The following KCNN4 variants were observed in gnomAD, a reference collection of about 807,000 sequenced individuals.
The protein encoded by KCNN4 is potassium calcium-activated channel subfamily N member 4, also known as intermediate conductance calcium-activated potassium channel protein 4.
A neutral mutation model predicts 45.2 loss-of-function variants in KCNN4; 31 were observed. The observed-to-expected ratio is 0.69, with a 90% CI of 0.52 to 0.92. The LOEUF (loss-of-function observed/expected upper bound fraction) is 0.92, where lower values mean the gene tolerates loss of function less well. KCNN4 is among the 40% of genes least tolerant of loss of function. The pLI, the probability that KCNN4 is intolerant of heterozygous loss-of-function variation, is 0.00. For missense variants in KCNN4, 463 were observed against 574.0 expected (o/e 0.81, Z 1.98); for synonymous variants, 231 against 254.6 (o/e 0.91, Z 0.88).
intron 8 of KCNN4, 104 bp downstream of exon 8, chr19:43,767,436 G>A (rs937341801): frequency 3.8e-5 from 53 of 1,382,246 alleles, no homozygotes; most frequent in Admixed American, 1.6e-4. Context: ...GAGAAAAGGC[G>A]GCCTTGTCTC....
Position 43,774,583 on chromosome 19 carries a change from C to G in KCNN4, c.292G>C (p.Val98Leu). The stretch of plus-strand genomic sequence containing the variant: ...GCCGCCTGCCGCCCGGTCAGCGCCA[C>G]GCGCCAGTCCCGCAGCCCGTTGTCG... The part of the protein sequence containing the change: ...MTDNGLRDWR[V>L]ALTGRQAAQI... The change falls in exon 3 of 9, where the codon GTG becomes CTG. Residue 98 changes from valine to leucine, a missense_variant. Around this residue, in one of 3 missense-constraint regions of KCNN4, gnomAD observed 225 missense variants for 240.9 expected, o/e 0.93. Coordinates refer to ENST00000648319, the MANE Select transcript of KCNN4 (RefSeq NM_002250.3). The surrounding 1 kb of genome is among the most constrained non-coding windows in gnomAD (Gnocchi z 5.6). 6.6e-7 allele frequency: 1 copy of G among 1,524,566 alleles called. No homozygotes were observed. The highest frequency in any genetic ancestry group is 8.7e-7 in the Non-Finnish European group (1 of 1,146,498). The allele number at this position is 1,524,566 out of a possible 1,614,324, so 94.4% of individuals were successfully genotyped here. A position where few individuals can be genotyped will look rare whatever the true frequency, so the allele number is the denominator to read the frequency against.
intron 7 of KCNN4, among the ~76,000 whole-genome samples, chr19:43,768,449 G>A (rs921062877): frequency 4.6e-5 from 7 of 152,244 alleles, no homozygotes; most frequent in Admixed American, 2.0e-4. Context: ...AGAAGGGGGC[G>A]GGTAGCTGAG....
rs1431785005 is a variant in KCNN4 at position 43,769,234 on chromosome 19, C to T, written c.1050-202G>A. On this transcript the variant is annotated intron_variant, in intron 6 of 8. Coordinates refer to ENST00000648319, the MANE Select transcript of KCNN4 (RefSeq NM_002250.3). The surrounding 1 kb of genome is among the most constrained non-coding windows in gnomAD (Gnocchi z 4.4). ...CAGTAGAAACCCAGGTACCCAGGTC[C>T]GCAGACACACCGAGATATGCGGAGA... The T allele has an allele frequency of 1.8e-5, 12 of 673,144 alleles. No individual in the cohort carries two copies. The highest frequency in any genetic ancestry group is 5.2e-5 in the South Asian group (3 of 57,242). 41.7% of individuals were successfully genotyped at this position (673,144 alleles called of 1,614,324 possible). A position where few individuals can be genotyped will look rare whatever the true frequency, so the allele number is the denominator to read the frequency against.
At chr19:43,771,242 T>C (rs1969635004) in intron 4 of KCNN4, among the ~76,000 whole-genome samples, 1 of 152,098 alleles carries the variant, frequency 6.6e-6, no homozygotes, top group African/African-American at 2.4e-5. Context: ...GCCTCATCCT[T>C]GAGGGCAACA....
Position 43,769,099 on chromosome 19 carries a change from G to C in KCNN4, c.1050-67C>G. On this transcript the variant is annotated intron_variant, in intron 6 of 8. Transcript: ENST00000648319. This position sits in a 1 kb window ranked among gnomAD's most constrained non-coding sequence, Gnocchi z 4.4. ...CTGAATGTAGCTGTAGCTCAGGGGA[G>C]GAATGAAGGGAGGAGAGGCACATGA... The C allele has an allele frequency of 6.7e-7, 1 of 1,490,768 alleles. No individual in the cohort carries two copies. Among genetic ancestry groups the C allele is most frequent in the Non-Finnish European group, 9.4e-7 (1 of 1,067,872 alleles). The allele number at this position is 1,490,768 out of a possible 1,614,324, so 92.3% of individuals were successfully genotyped here.
Position 43,774,085 on chromosome 19 carries a change from T to C in KCNN4, c.683+107A>G. The C allele has an allele frequency of 8.4e-7, 1 of 1,190,910 alleles. No homozygotes were observed. The highest frequency in any genetic ancestry group is 2.6e-5 in the East Asian group (1 of 38,738). 73.8% of individuals were successfully genotyped at this position (1,190,910 alleles called of 1,614,324 possible). A position where few individuals can be genotyped will look rare whatever the true frequency, so the allele number is the denominator to read the frequency against. On this transcript the variant is annotated intron_variant, in intron 3 of 8. Transcript: ENST00000648319. This position sits in a 1 kb window ranked among gnomAD's most constrained non-coding sequence, Gnocchi z 5.6. ...GGAGAAGGGGTCAAAGTGTGAACTT[T>C]CTCCACTGCTTGGTCCTAGGGGGCC... is the stretch of plus-strand genomic sequence containing the variant.
Position 43,767,698 on chromosome 19 carries a change from T to A in KCNN4, c.1129A>T (p.Ile377Phe). 1.2e-6 allele frequency: 2 copies of A among 1,614,106 alleles called. No homozygotes were observed. The highest frequency in any genetic ancestry group is 1.7e-6 in the Non-Finnish European group (2 of 1,180,018). ...SMVDISKMHM[I>F]LYDLQQNLSS... ...AGATTCTGCTGCAGGTCATACAGGA[T>A]CATGTGCATCTGGGTGGGAGGAGAG... Residue 377 changes from isoleucine (I) to phenylalanine (F), a missense_variant, in exon 8 of 9, where the codon ATC becomes TTC. Physicochemically the swap from Ile to Phe is conservative, Grantham distance 21 (BLOSUM62 0). Around this residue, in one of 3 missense-constraint regions of KCNN4, gnomAD observed 129 missense variants for 149.4 expected, o/e 0.86. Coordinates refer to ENST00000648319, the MANE Select transcript of KCNN4 (RefSeq NM_002250.3).
In KCNN4 at chr19:43,775,853, G is replaced by A. The variant is rs182261071; in HGVS notation, c.255+688C>T. The stretch of plus-strand genomic sequence containing the variant: ...GGGCACCCCTGGGACCGGACCAGGT[G>A]CAGTGGCTCAAGCCCGTAATCCTAG... On this transcript the variant is annotated intron_variant, in intron 2 of 8. Transcript: ENST00000648319. 1.3e-3 allele frequency among the ~76,000 whole-genome samples: 205 copies of A among 152,040 alleles called. 1 individual carries two copies. The highest frequency in any genetic ancestry group is 2.0e-3 in the Non-Finnish European group (137 of 67,978).
chr19:43,774,750 G>A lies in KCNN4; in HGVS notation c.256-131C>T, dbSNP rs1969751099. On this transcript the variant is annotated intron_variant, in intron 2 of 8. Transcript: ENST00000648319. This position sits in a 1 kb window ranked among gnomAD's most constrained non-coding sequence, Gnocchi z 5.6. ...GGCCAGGAGGGAGGGAGTGCAGGGC[G>A]GGAGAGGGATAGGGAGGGAGCGGGA... 8 of 698,978 alleles carry A rather than the reference G, an allele frequency of 1.1e-5. No homozygotes were observed. The highest frequency in any genetic ancestry group is 1.8e-5 in the Non-Finnish European group (8 of 452,532). 43.3% of individuals were successfully genotyped at this position (698,978 alleles called of 1,614,324 possible). A position where few individuals can be genotyped will look rare whatever the true frequency, so the allele number is the denominator to read the frequency against.
intron 7 of KCNN4, among the ~76,000 whole-genome samples, chr19:43,768,683 T>C (rs1969549625): frequency 6.6e-6 from 1 of 152,360 alleles, no homozygotes; most frequent in African/African-American, 2.4e-5. Flanking sequence ...TCCGTCCACA[T>C]GTAAGTAACT....
chr19:43,769,660 G>T lies in KCNN4; in HGVS notation c.930+59C>A. 4.5e-6 allele frequency: 7 copies of T among 1,540,320 alleles called. No individual in the cohort carries two copies. Among genetic ancestry groups the T allele is most frequent in the Non-Finnish European group, 6.3e-6 (7 of 1,114,202 alleles). ...CTTGGGTCCTAGGGGAAGCAGGGGC[G>T]CCTGGACTCCTGCTTCTTGGAAGAG... On this transcript the variant is annotated intron_variant, in intron 5 of 8. Transcript: ENST00000648319. The surrounding 1 kb of genome is among the most constrained non-coding windows in gnomAD (Gnocchi z 4.4).
At position 43,771,884 on chromosome 19, in the gene KCNN4, G is replaced by C. The variant is rs1046049949; in HGVS notation, c.819+116C>G. On this transcript the variant is annotated intron_variant, in intron 4 of 8. Coordinates refer to ENST00000648319, the MANE Select transcript of KCNN4 (RefSeq NM_002250.3). ...GGCTCTGGGGGCCCCAGACACTCAAGTTTCTCAGGAGCTGTCCCTGAGAGC... is the reference window on the plus strand; with the variant it reads ...GGCTCTGGGGGCCCCAGACACTCAACTTTCTCAGGAGCTGTCCCTGAGAGC... 3.0e-6 allele frequency: 4 copies of C among 1,319,752 alleles called. No individual in the cohort carries two copies. The African/African-American group carries it at 6.0e-5, about 20-fold the overall frequency. 81.8% of individuals were successfully genotyped at this position (1,319,752 alleles called of 1,614,324 possible). A position where few individuals can be genotyped will look rare whatever the true frequency, so the allele number is the denominator to read the frequency against.
chr19:43,776,556 A>G lies in KCNN4; in HGVS notation c.240T>C (p.His80=), dbSNP rs1382327299. ...CCTGCCCTACCTGGACCTCTTTGGC[A>G]TGAAAGGCCACGATGAGGCAGAGGA... ...FLLLCLIVAF[H]AKEVQLFMTD... The change falls in exon 2 of 9, where the codon CAT becomes CAC. Residue 80 remains histidine, a synonymous_variant. Coordinates refer to ENST00000648319, the MANE Select transcript of KCNN4 (RefSeq NM_002250.3). The G allele has an allele frequency of 1.2e-6, 2 of 1,613,004 alleles. No homozygotes were observed. The highest frequency in any genetic ancestry group is 2.2e-5 in the East Asian group (1 of 44,888).
At position 43,774,212 on chromosome 19, in the gene KCNN4, C is replaced by G. The variant is rs200402220; in HGVS notation, c.663G>C (p.Trp221Cys). The change falls in exon 3 of 9, where the codon TGG becomes TGC. Residue 221 changes from tryptophan to cysteine, a missense_variant. Trp to Cys is a radical substitution (Grantham distance 215). Around this residue, in one of 3 missense-constraint regions of KCNN4, gnomAD observed 109 missense variants for 183.7 expected, o/e 0.59. Coordinates refer to ENST00000648319, the MANE Select transcript of KCNN4 (RefSeq NM_002250.3). This position sits in a 1 kb window ranked among gnomAD's most constrained non-coding sequence, Gnocchi z 5.6. ...CTCACCTCTCGGCCACGGACAGCAC[C>G]CAGGCGGTGGTCAGCCAGAGGCCAA... ...LTLGLWLTTA[W>C]VLSVAERQAV... The G allele has an allele frequency of 6.2e-6, 10 of 1,612,344 alleles. No individual in the cohort carries two copies. The highest frequency in any genetic ancestry group is 7.6e-6 in the Non-Finnish European group (9 of 1,178,926).
rs117723271 is a variant in KCNN4, at chr19:43,776,005, G to A, written c.255+536C>T. Among the ~76,000 whole-genome samples the A allele has an allele frequency of 3.8e-3, 579 of 151,966 alleles. 3 individuals carry two copies. Among genetic ancestry groups the A allele is most frequent in the Admixed American group, 0.01 (158 of 15,242 alleles). On this transcript the variant is annotated intron_variant, in intron 2 of 8. Coordinates refer to ENST00000648319, the MANE Select transcript of KCNN4 (RefSeq NM_002250.3). ...TAGCTGGGCGTGGTGGCATCTGCCTGTAGTCACAGCTACTTGGGAGGCTGA... is the reference window on the plus strand; with the variant it reads ...TAGCTGGGCGTGGTGGCATCTGCCTATAGTCACAGCTACTTGGGAGGCTGA...
At position 43,772,970 on chromosome 19, in the gene KCNN4, A is replaced by C. The variant is rs527745432; in HGVS notation, c.684-835T>G. On this transcript the variant is annotated intron_variant, in intron 3 of 8. Transcript: ENST00000648319. This position sits in a 1 kb window ranked among gnomAD's most constrained non-coding sequence, Gnocchi z 4.4. ...TCATTCATTAATCCTGATTCTGACC[A>C]ATTTCCCAATTGTGAAAACTAAGAT... 1.3e-5 allele frequency among the ~76,000 whole-genome samples: 2 copies of C among 152,322 alleles called. No homozygotes were observed. The highest frequency in any genetic ancestry group is 3.9e-4 in the East Asian group (2 of 5,190).
Position 43,769,795 on chromosome 19 carries a change from A to C in KCNN4, c.854T>G (p.Val285Gly), listed in dbSNP as rs758081705. 2.9e-5 allele frequency: 46 copies of C among 1,613,582 alleles called. No individual in the cohort carries two copies. Among genetic ancestry groups the C allele is most frequent in the Non-Finnish European group, 3.9e-5 (46 of 1,179,916 alleles). Residue 285 changes from valine to glycine, a missense_variant, in exon 5 of 9, where the codon GTG becomes GGG. By Grantham distance (109) the Val-to-Gly change is moderately radical (BLOSUM62 -3). Transcript: ENST00000648319. This position sits in a 1 kb window ranked among gnomAD's most constrained non-coding sequence, Gnocchi z 4.4. ...CTTGTTAAACTCCAGCTTCCGGGCC[A>C]CCACGGCCACCAGCAGGGCTGTGCA... ...VCCTALLVAVVARKLEFNKAE... is the reference protein window; with the variant it reads ...VCCTALLVAVGARKLEFNKAE...
intron 2 of KCNN4, among the ~76,000 whole-genome samples, chr19:43,775,115 C>A (rs1452355807): frequency 6.6e-6 from 1 of 152,180 alleles, no homozygotes; most frequent in African/African-American, 2.4e-5. Flanking sequence ...CACTTGAGGT[C>A]AAGAGTTTGA....
Position 43,772,011 on chromosome 19 carries a change from T to C in KCNN4, c.808A>G (p.Thr270Ala), listed in dbSNP as rs1365381845. Residue 270 changes from threonine (T) to alanine (A), a missense_variant, in exon 4 of 9, where the codon ACT (threonine) becomes GCT (alanine). Coordinates refer to ENST00000648319, the MANE Select transcript of KCNN4 (RefSeq NM_002250.3). The surrounding 1 kb of genome is among the most constrained non-coding windows in gnomAD (Gnocchi z 4.4). ...TMWGKIVCLC[T>A]GVMGVCCTAL... is the part of the protein sequence containing the mutation. ...GCAGCTGTACTCACCATGACTCCAG[T>C]GCACAGGCAGACGATCTTGCCCCAC... 2.5e-6 allele frequency: 4 copies of C among 1,611,314 alleles called. No homozygotes were observed. Among genetic ancestry groups the C allele is most frequent in the East Asian group, 2.2e-5 (1 of 44,796 alleles).
Sources: gnomAD v4.1 joint callset for allele counts (sites outside exome capture counted in the v4.1 genomes callset) on GRCh38, gnomAD v4.1.1 for gene constraint, gnomAD v4.1.1 regional missense constraint, Gnocchi (gnomAD v3.1) non-coding constraint, MANE v1.5 for transcripts, NCBI Gene and HGNC (gene_info 2026-07-23, HGNC 2026-07-21) for gene names.